ZNF583: variants seen among roughly 807,000 people sequenced by gnomAD.
ZNF583 encodes the protein zinc finger protein 583, also known as zinc finger protein L3-5.
A neutral mutation model predicts 55.3 loss-of-function variants in ZNF583; 30 were observed. The ratio of observed to expected loss-of-function variants is 0.54; its 90% confidence interval spans 0.41 to 0.74. The LOEUF (loss-of-function observed/expected upper bound fraction) is 0.74. Ranked by LOEUF, ZNF583 falls within the 30% of genes least tolerant of loss-of-function variation. ZNF583 has a pLI of 0.00. For synonymous variants in ZNF583, 208 were observed against 220.0 expected (o/e 0.95, Z 0.48); for missense variants, 504 against 664.7 (o/e 0.76, Z 2.66).
chr19:56,422,821 A>G, intron 4 of ZNF583, 70 bp from the exon 5 acceptor site: 9 of 1,160,616 alleles, frequency 7.8e-6, no homozygotes, highest in Non-Finnish European at 9.6e-6. Context: ...TATTTTATTC[A>G]CGTTTTTGTT....
intron 1 of ZNF583, among the ~76,000 whole-genome samples, chr19:56,405,240 G>A (rs1320411749): frequency 6.6e-6 from 1 of 152,198 alleles, no homozygotes; most frequent in Non-Finnish European, 1.5e-5. Context: ...ATGACAGTGT[G>A]TGTGATTATG....
chr19:56,417,882 C>T (rs2042352881), intron 4 of ZNF583, among the ~76,000 whole-genome samples: 1 of 152,040 alleles, frequency 6.6e-6, no homozygotes, highest in East Asian at 1.9e-4. Flanking sequence ...GCCCCAAGAC[C>T]CTTTGTCAGG....
chr19:56,413,116 A>G (rs1479329208), intron 2 of ZNF583, among the ~76,000 whole-genome samples: 2 of 152,206 alleles, frequency 1.3e-5, no homozygotes, highest in Non-Finnish European at 2.9e-5. Context: ...CATCTACAGG[A>G]GAGGAATTTG....
At chr19:56,420,312 G>A (rs2042394228) in intron 4 of ZNF583, among the ~76,000 whole-genome samples, 1 of 152,090 alleles carries the variant, frequency 6.6e-6, no homozygotes, top group Non-Finnish European at 1.5e-5. Flanking sequence ...TCGGTACTTT[G>A]GGATTTATGG....
chr19:56,413,333 C>T (rs1224639970), intron 2 of ZNF583, among the ~76,000 whole-genome samples: 2 of 152,214 alleles, frequency 1.3e-5, no homozygotes, highest in Non-Finnish European at 2.9e-5. Flanking sequence ...ATCTGTCACT[C>T]AGCTTCTTGA....
At chr19:56,409,498 AG>A (rs1182550176) in intron 2 of ZNF583, among the ~76,000 whole-genome samples, 1 of 151,238 alleles carries the variant, frequency 6.6e-6, no homozygotes, top group Non-Finnish European at 1.5e-5. Context: ...TGGGTTTCCC[AG>A]GATGATGATT....
rs914578126 is a variant in ZNF583, at chr19:56,404,566, T to G, written c.-90+114T>G. 6.5e-5 allele frequency: 10 copies of G among 153,088 alleles called. No homozygotes were observed. The highest frequency in any genetic ancestry group is 2.0e-4 in the Admixed American group (3 of 15,258). The allele number at this position is 153,088 out of a possible 1,614,324, so 9.5% of individuals were successfully genotyped here. On this transcript the variant is annotated intron_variant, in intron 1 of 4. Coordinates refer to ENST00000333201, the MANE Select transcript of ZNF583 (RefSeq NM_152478.3). The surrounding 1 kb of genome is among the most constrained non-coding windows in gnomAD (Gnocchi z 5.2). Reference sequence around the variant, plus strand: ...CATTAAGGAACCGTGTGTGACAATGTGTTTGACAGTGTGGAATCGTGTGTG... The same window carrying G: ...CATTAAGGAACCGTGTGTGACAATGGGTTTGACAGTGTGGAATCGTGTGTG...
chr19:56,410,559 G>C (rs1331179005), intron 2 of ZNF583, among the ~76,000 whole-genome samples: 1 of 152,042 alleles, frequency 6.6e-6, no homozygotes, highest in Non-Finnish European at 1.5e-5. Context: ...AAAATTAGCT[G>C]AGCGTGGTGG....
In ZNF583 at chr19:56,422,991, T is replaced by C. The variant is rs115643050; in HGVS notation, c.333T>C (p.Tyr111=). The C allele has an allele frequency of 9.5e-5, 153 of 1,613,984 alleles. 1 individual carries two copies. The East Asian group carries it at 3.3e-3, about 34-fold the overall frequency. ...CAGTGGGAGCAAGACATCTTAGTTA[T>C]AGCCTTGACTATCCCAGTTTGAGAG... The part of the protein sequence containing the change: ...VVTVGARHLS[Y]SLDYPSLRED... The change falls in exon 5 of 5, where the codon TAT becomes TAC. Residue 111 remains tyrosine (Y), a synonymous_variant. Coordinates refer to ENST00000333201, the MANE Select transcript of ZNF583 (RefSeq NM_152478.3).
At chr19:56,414,522 C>A in intron 4 of ZNF583, 82 bp downstream of exon 4, 1 of 1,307,920 alleles carries the variant, frequency 7.6e-7, no homozygotes, top group Admixed American at 2.0e-5. Flanking sequence ...TCATAATTGA[C>A]GTTTCCTGGG....
intron 1 of ZNF583, among the ~76,000 whole-genome samples, chr19:56,406,773 A>C (rs11084447): frequency 0.83 from 126,463 of 152,070 alleles, 52,906 homozygotes; most frequent in East Asian, 0.94. Flanking sequence ...GTGATTCGCC[A>C]GCCTCGGCCT....
At position 56,424,349 on chromosome 19, in the gene ZNF583, C is replaced by G. The variant is rs2042471662; in HGVS notation, c.1691C>G (p.Pro564Arg). ...TCCACATCAAATCAGTTGCCAAGACCTGTAGGTTTCATCTCCTGAATATTT... is the reference window on the plus strand; with the variant it reads ...TCCACATCAAATCAGTTGCCAAGACGTGTAGGTTTCATCTCCTGAATATTT... Reference protein sequence around the residue: ...SPSTSNQLPRPVGFIS With the variant: ...SPSTSNQLPRRVGFIS The change falls in exon 5 of 5, where the codon CCT (proline) becomes CGT (arginine). Residue 564 changes from proline (P) to arginine (R), a missense_variant. Pro to Arg is a moderately radical substitution (Grantham distance 103, BLOSUM62 -2). Around this residue, in one of 3 missense-constraint regions of ZNF583, gnomAD observed 63 missense variants for 56.5 expected, o/e 1.11. Transcript: ENST00000333201. The G allele has an allele frequency of 6.8e-7, 1 of 1,475,214 alleles. No homozygotes were observed. Among genetic ancestry groups the G allele is most frequent in the South Asian group, 1.1e-5 (1 of 87,674 alleles). 91.4% of individuals were successfully genotyped at this position (1,475,214 alleles called of 1,614,324 possible). A position where few individuals can be genotyped will look rare whatever the true frequency, so the allele number is the denominator to read the frequency against.
rs896700896 is a variant in ZNF583, at chr19:56,427,051, G to A, written c.*2683G>A. 14 of 151,980 alleles carry A rather than the reference G, an allele frequency of 9.2e-5. No homozygotes were observed. The highest frequency in any genetic ancestry group is 3.4e-4 in the African/African-American group (14 of 41,362). 9.4% of individuals were successfully genotyped at this position (151,980 alleles called of 1,614,324 possible). ...AAGATGCTGCATGTTATATGCGAAT[G>A]ACCGAAGGGTTTTAAAAATGGAATC... On this transcript the variant is annotated 3_prime_UTR_variant, in exon 5 of 5. Coordinates refer to ENST00000333201, the MANE Select transcript of ZNF583 (RefSeq NM_152478.3).
chr19:56,424,538 T>A lies in ZNF583; in HGVS notation c.*170T>A. On this transcript the variant is annotated 3_prime_UTR_variant, in exon 5 of 5. Transcript: ENST00000333201. ...GCAACCAAATTTGTATTTTTAAAAATATGTTTAATCTCATTTCTCCCTCAT... is the reference window on the plus strand; with the variant it reads ...GCAACCAAATTTGTATTTTTAAAAAAATGTTTAATCTCATTTCTCCCTCAT... 1.9e-6 allele frequency: 1 copy of A among 532,386 alleles called. No homozygotes were observed. The highest frequency in any genetic ancestry group is 2.9e-5 in the East Asian group (1 of 33,912). 33.0% of individuals were successfully genotyped at this position (532,386 alleles called of 1,614,324 possible).
chr19:56,414,152 A>G, intron 3 of ZNF583, 67 bp downstream of exon 3: 1 of 1,542,628 alleles, frequency 6.5e-7, no homozygotes, highest in South Asian at 1.3e-5. Flanking sequence ...TATTTGGGAA[A>G]CCTCTGACGT....
intron 4 of ZNF583, among the ~76,000 whole-genome samples, chr19:56,421,262 C>A (rs1451550478): frequency 1.8e-5 from 2 of 111,718 alleles, no homozygotes; most frequent in Non-Finnish European, 3.8e-5. Flanking sequence ...ATTATAATAT[C>A]TATCCTTAAC....
chr19:56,406,299 G>A (rs1230396666), intron 1 of ZNF583, among the ~76,000 whole-genome samples: 1 of 152,074 alleles, frequency 6.6e-6, no homozygotes, highest in East Asian at 1.9e-4. Flanking sequence ...GAAAGGGTGG[G>A]AACATATTTC....
chr19:56,421,591 G>A (rs1336879241), intron 4 of ZNF583: 2 of 771,142 alleles, frequency 2.6e-6, no homozygotes, highest in Non-Finnish European at 3.2e-6. Flanking sequence ...AAGTTTAGTG[G>A]TAATATTCCA....
At chr19:56,406,814 A>C (rs927482063) in intron 1 of ZNF583, among the ~76,000 whole-genome samples, 12 of 152,162 alleles carry the variant, frequency 7.9e-5, no homozygotes, top group African/African-American at 2.7e-4. Flanking sequence ...GGCGTGAGCC[A>C]CCGCGCCTGG....
Sources: gnomAD v4.1 joint callset for allele counts (sites outside exome capture counted in the v4.1 genomes callset) on GRCh38, gnomAD v4.1.1 for gene constraint, gnomAD v4.1.1 regional missense constraint, Gnocchi (gnomAD v3.1) non-coding constraint, MANE v1.5 for transcripts, NCBI Gene and HGNC (gene_info 2026-07-23, HGNC 2026-07-21) for gene names.